The following RNF157 variants were observed in gnomAD, a reference collection of about 807,000 sequenced individuals.
RNF157 encodes the protein E3 ubiquitin ligase RNF157.
In RNF157, 55 loss-of-function variants were observed where a neutral mutation model predicts 88.3. The observed-to-expected ratio is 0.62, with a 90% CI of 0.50 to 0.78. The LOEUF (loss-of-function observed/expected upper bound fraction) is 0.78. Among genes scored for constraint, RNF157 ranks in the 30% least tolerant of loss-of-function variants. The pLI is 0.00. For synonymous variants in RNF157, 334 were observed against 341.2 expected, an observed-to-expected ratio of 0.98 and a Z score of 0.23; for missense variants, 788 against 860.8, an observed-to-expected ratio of 0.92 and a Z score of 1.06.
chr17:76,194,795 C>A (rs1018995027), intron 2 of RNF157, among the ~76,000 whole-genome samples: 2 of 152,128 alleles, frequency 1.3e-5, no homozygotes, highest in South Asian at 4.2e-4. Context: ...GTGGGCAGAT[C>A]ACGAGGTCAG....
chr17:76,212,961 A>G (rs1205199405), intron 1 of RNF157, among the ~76,000 whole-genome samples: 1 of 152,246 alleles, frequency 6.6e-6, no homozygotes, highest in Non-Finnish European at 1.5e-5. Context: ...ATGGCACAAA[A>G]TAAGTAAAAT....
intron 9 of RNF157, chr17:76,162,252 C>G: frequency 3.5e-6 from 2 of 575,360 alleles, no homozygotes; most frequent in South Asian, 4.5e-5. Context: ...AGAGCTGGGC[C>G]TCTCAAATCT....
intron 2 of RNF157, among the ~76,000 whole-genome samples, chr17:76,193,635 C>CACTGT (rs769570168): frequency 1.4e-4 from 21 of 151,698 alleles, no homozygotes; most frequent in Admixed American, 8.5e-4. Context: ...AAATGGAAGA[C>CACTGT]ACTGTCTAAG....
At position 76,176,968 on chromosome 17, in the gene RNF157, C is replaced by T. The variant is rs1170916222; in HGVS notation, c.208-3178G>A. Among the ~76,000 whole-genome samples the T allele has an allele frequency of 6.6e-6, 1 of 152,124 alleles. No homozygotes were observed. Among genetic ancestry groups the T allele is most frequent in the Admixed American group, 6.5e-5 (1 of 15,292 alleles). On this transcript the variant is annotated intron_variant, in intron 2 of 18. Coordinates refer to ENST00000269391, the MANE Select transcript of RNF157 (RefSeq NM_052916.3). The surrounding 1 kb of genome is among the most constrained non-coding windows in gnomAD (Gnocchi z 4.2). ...CTGCGCAGCCCGTCTGGGGCTGCGC[C>T]CCCAGGTCTGCCCCACATTGGGGTG...
chr17:76,178,385 G>A (rs2144897012), intron 2 of RNF157, among the ~76,000 whole-genome samples: 1 of 152,370 alleles, frequency 6.6e-6, no homozygotes, highest in South Asian at 2.1e-4. Flanking sequence ...ACCTGGGGCT[G>A]CCAGCCCCAC....
At chr17:76,165,602 A>G (rs546069839) in intron 6 of RNF157, 57 bp from the exon 7 acceptor site, 7 of 1,587,218 alleles carry the variant, frequency 4.4e-6, no homozygotes, top group East Asian at 2.2e-5. Flanking sequence ...CTTGATGCCC[A>G]TGACTTTCTC....
intron 2 of RNF157, among the ~76,000 whole-genome samples, chr17:76,201,468 C>T (rs1477016546): frequency 1.3e-5 from 2 of 151,876 alleles, no homozygotes; most frequent in African/African-American, 4.8e-5. Flanking sequence ...GCTATGATTG[C>T]ACCACTGCAC....
intron 2 of RNF157, among the ~76,000 whole-genome samples, chr17:76,198,766 C>T (rs1446177838): frequency 6.6e-6 from 1 of 152,154 alleles, no homozygotes; most frequent in Non-Finnish European, 1.5e-5. Context: ...TTAGTGGTTC[C>T]CCACACCTAC....
At chr17:76,149,854 T>C (rs1369547763) in intron 18 of RNF157, among the ~76,000 whole-genome samples, 1 of 151,888 alleles carries the variant, frequency 6.6e-6, no homozygotes, top group Non-Finnish European at 1.5e-5. Context: ...ACCAACATGG[T>C]AAAACTCCGT....
Position 76,240,350 on chromosome 17 carries a change from C to CCG in RNF157, c.-112_-111dup. 1 of 325,968 alleles carries CCG rather than the reference C, an allele frequency of 3.1e-6. No individual in the cohort carries two copies. Among genetic ancestry groups the CCG allele is most frequent in the Non-Finnish European group, 4.3e-6 (1 of 230,324 alleles). The allele number at this position is 325,968 out of a possible 1,614,324, so 20.2% of individuals were successfully genotyped here. A position where few individuals can be genotyped will look rare whatever the true frequency, so the allele number is the denominator to read the frequency against. ...TGCGGGGGCCGACTGCCCGCCGCGG[C>CCG]CGGCTCCGCTGCGGCGCTGCGGCTC... On this transcript the variant is annotated 5_prime_UTR_variant, in exon 1 of 19. The change abolishes the stop of an existing upstream ORF in the 5' untranslated region. Transcript: ENST00000269391. The surrounding 1 kb of genome is among the most constrained non-coding windows in gnomAD (Gnocchi z 4.4).
At chr17:76,204,782 C>CTTTCT (rs772628792) in intron 2 of RNF157, among the ~76,000 whole-genome samples, 9,036 of 139,642 alleles carry the variant, frequency 0.065, 1,002 homozygotes, top group African/African-American at 0.23. Flanking sequence ...TTCTTTCTTT[C>CTTTCT]TTTTTTTTTT....
intron 18 of RNF157, chr17:76,147,468 ACT>A (rs1279765701): frequency 3.3e-6 from 1 of 300,342 alleles, no homozygotes; most frequent in Non-Finnish European, 4.9e-6. Context: ...AGCTGTCCTG[ACT>A]CTGAATTCAC....
chr17:76,204,003 G>A (rs1441307379), intron 2 of RNF157, among the ~76,000 whole-genome samples: 1 of 151,976 alleles, frequency 6.6e-6, no homozygotes, highest in Non-Finnish European at 1.5e-5. Flanking sequence ...TCCTGACCTC[G>A]TGATCTGCCC....
intron 2 of RNF157, 147 bp from the exon 3 acceptor site, chr17:76,173,937 A>T (rs2069061394): frequency 1.5e-6 from 1 of 684,308 alleles, no homozygotes; most frequent in South Asian, 1.7e-5. Flanking sequence ...AAACTCCGAC[A>T]TACTGAGTCA....
At chr17:76,150,053 A>C (rs903794099) in intron 18 of RNF157, among the ~76,000 whole-genome samples, 1 of 152,054 alleles carries the variant, frequency 6.6e-6, no homozygotes, top group African/African-American at 2.4e-5. Context: ...AAAAACAAAA[A>C]CAAAAAAACT....
At chr17:76,186,662 G>T (rs562877903) in intron 2 of RNF157, among the ~76,000 whole-genome samples, 99 of 151,582 alleles carry the variant, frequency 6.5e-4, no homozygotes, top group African/African-American at 2.3e-3. Flanking sequence ...TCTGGGCCGG[G>T]GGGGCAGTGG....
chr17:76,168,424 T>C (rs2068961717), intron 3 of RNF157, among the ~76,000 whole-genome samples: 1 of 147,004 alleles, frequency 6.8e-6, no homozygotes, highest in South Asian at 2.1e-4. Context: ...TTAGTGCTCA[T>C]CCTATTTTTT....
At chr17:76,224,293 C>A (rs749444099) in intron 1 of RNF157, among the ~76,000 whole-genome samples, 1 of 152,016 alleles carries the variant, frequency 6.6e-6, no homozygotes, top group Non-Finnish European at 1.5e-5. Context: ...CAATGGGTTC[C>A]CTAAATTATG....
At chr17:76,205,635 G>T (rs960193572) in intron 2 of RNF157, among the ~76,000 whole-genome samples, 1 of 152,068 alleles carries the variant, frequency 6.6e-6, no homozygotes, top group Non-Finnish European at 1.5e-5. Flanking sequence ...TGAAGCAGAA[G>T]AATTGCTTGA....
Sources: allele counts gnomAD v4.1 joint callset (sites outside exome capture counted in the v4.1 genomes callset), GRCh38; gene constraint gnomAD v4.1.1; non-coding constraint Gnocchi (gnomAD v3.1); transcripts MANE v1.5; gene names NCBI Gene and HGNC (gene_info 2026-07-23, HGNC 2026-07-21).